Variants in PLAT observed in about 807,000 individuals in gnomAD.
PLAT encodes plasminogen activator, tissue type.
In PLAT, 48 loss-of-function variants were observed where a neutral mutation model predicts 74.9. The ratio of observed to expected loss-of-function variants is 0.64; its 90% CI spans 0.51 to 0.82. The LOEUF (loss-of-function observed/expected upper bound fraction) is 0.82, where lower values mean the gene tolerates loss of function less well. Ranked by LOEUF, PLAT falls within the 40% of genes least tolerant of loss-of-function variation. The pLI, the probability that PLAT is intolerant of heterozygous loss-of-function variation, is 0.00. For synonymous variants in PLAT, 307 were observed against 294.4 expected (o/e 1.04, Z -0.44); for missense variants, 673 against 736.2 (o/e 0.91, Z 0.99).
chr8:42,196,844 A>G (rs1805929196), intron 1 of PLAT, among the ~76,000 whole-genome samples: 1 of 152,080 alleles, frequency 6.6e-6, no homozygotes. Context: ...TGAAAAAAAA[A>G]AAGGCAAATG....
chr8:42,180,102 G>T, intron 11 of PLAT, 36 bp from the exon 12 acceptor site: 1 of 1,593,374 alleles, frequency 6.3e-7, no homozygotes, highest in Non-Finnish European at 8.6e-7. Flanking sequence ...CTGGCGTGAG[G>T]GCCGCGTCCC....
intron 1 of PLAT, among the ~76,000 whole-genome samples, chr8:42,196,395 G>T (rs1805906484): frequency 6.6e-6 from 1 of 152,208 alleles, no homozygotes; most frequent in African/African-American, 2.4e-5. Flanking sequence ...CAGGGCGATA[G>T]CTCTGTCCGC....
At chr8:42,203,408 C>T (rs2129826000) in intron 1 of PLAT, among the ~76,000 whole-genome samples, 1 of 152,288 alleles carries the variant, frequency 6.6e-6, no homozygotes, top group Admixed American at 6.5e-5. Context: ...TGCAGACACC[C>T]AGTCATATAC....
rs2000991 is a variant in PLAT, at chr8:42,179,910, A to G, written c.1363+16T>C. 1 of 1,565,758 alleles carries G rather than the reference A, an allele frequency of 6.4e-7. No homozygotes were observed. Among genetic ancestry groups the G allele is most frequent in the African/African-American group, 1.4e-5 (1 of 74,050 alleles). On this transcript the variant is annotated intron_variant, in intron 12 of 13. Coordinates refer to ENST00000220809, the MANE Select transcript of PLAT (RefSeq NM_000930.5). ...GTCCCGCAGACAGGATGGGGCCGAG[A>G]CTTCCTTCCACTTACAGGCCTCATG...
In PLAT at chr8:42,179,974, G is replaced by A. The variant is rs756437559; in HGVS notation, c.1315C>T (p.Pro439Ser). ...GAGAGCTCACACTCCGTCCAGTCCG[G>A]CAGCTGCAGGTCCGCCGGGGGAAGG... ...VCLPPADLQL[P>S]DWTECELSGY... The change falls in exon 12 of 14, where the codon CCG becomes TCG. Residue 439 changes from proline (P) to serine (S), a missense_variant. Coordinates refer to ENST00000220809, the MANE Select transcript of PLAT (RefSeq NM_000930.5). 3 of 1,608,156 alleles carry A rather than the reference G, an allele frequency of 1.9e-6. No individual in the cohort carries two copies. The South Asian group carries it at 3.3e-5, about 18-fold the overall frequency.
rs1275742461 is a variant in PLAT at position 42,197,007 on chromosome 8, T to TCCCCAAGA, written c.-26-3804_-26-3797dup. On this transcript the variant is annotated intron_variant, in intron 1 of 13. Transcript: ENST00000220809. ...TATGAGAGGAGAGGTGGAATGCTGG[T>TCCCCAAGA]CCCCAAGACCCCAAGGCCTAGCCCT... 5.3e-5 allele frequency among the ~76,000 whole-genome samples: 8 copies of TCCCCAAGA among 152,222 alleles called. No homozygotes were observed. The East Asian group carries it at 1.5e-3, about 29-fold the overall frequency.
chr8:42,178,256 ATTTC>A (rs1489272377), intron 13 of PLAT, among the ~76,000 whole-genome samples: 7 of 135,208 alleles, frequency 5.2e-5, no homozygotes, highest in African/African-American at 1.7e-4. Context: ...AGAGGCAAAC[ATTTC>A]TTTCTTTTTT....
intron 4 of PLAT, among the ~76,000 whole-genome samples, chr8:42,188,716 C>A (rs1028476773): frequency 1.3e-5 from 2 of 152,190 alleles, no homozygotes; most frequent in Non-Finnish European, 2.9e-5. Context: ...ACTGCAGCCT[C>A]CAACTCCTGG....
At chr8:42,178,091 C>T (rs888483807) in intron 13 of PLAT, among the ~76,000 whole-genome samples, 1 of 152,204 alleles carries the variant, frequency 6.6e-6, no homozygotes, top group Admixed American at 6.5e-5. Flanking sequence ...AGGATGCCCA[C>T]ACAAAGGACC....
chr8:42,188,316 G>A (rs556037758), intron 4 of PLAT: 2 of 305,372 alleles, frequency 6.5e-6, no homozygotes, highest in African/African-American at 2.2e-5. Flanking sequence ...TGTGCCAGGC[G>A]CTGTTGTACA....
In PLAT at chr8:42,180,150, A is replaced by T; in HGVS notation, c.1223-84T>A. On this transcript the variant is annotated intron_variant, in intron 11 of 13. Transcript: ENST00000220809. ...AACACGCAGGAGGGGCAGGGGCTGG[A>T]GGAGGAGGCCCGTGTGTGTAAACAT... The T allele has an allele frequency of 4.4e-6, 7 of 1,587,198 alleles. No homozygotes were observed. In the South Asian group the frequency reaches 8.1e-5, roughly 18 times the overall value.
chr8:42,176,266 A>G (rs1221703599), intron 13 of PLAT, 115 bp from the exon 14 acceptor site: 1 of 704,948 alleles, frequency 1.4e-6, no homozygotes. Context: ...CTTCAATAAT[A>G]TTCCATTCAG....
intron 2 of PLAT, 46 bp downstream of exon 2, chr8:42,193,068 G>A (rs1805746377): frequency 1.5e-6 from 2 of 1,348,614 alleles, no homozygotes; most frequent in Non-Finnish European, 2.1e-6. Flanking sequence ...GCCTCCGGAA[G>A]CATCACAGCC....
chr8:42,193,079 T>C (rs1805746845), intron 2 of PLAT, 35 bp downstream of exon 2: 1 of 1,475,150 alleles, frequency 6.8e-7, no homozygotes, highest in East Asian at 2.3e-5. Context: ...CATCACAGCC[T>C]TGAGGGGCGG....
intron 1 of PLAT, among the ~76,000 whole-genome samples, chr8:42,202,723 G>C (rs1249306168): frequency 6.6e-6 from 1 of 152,132 alleles, no homozygotes; most frequent in Non-Finnish European, 1.5e-5. Flanking sequence ...GTACAGCAGA[G>C]CAGCGCCATA....
intron 1 of PLAT, among the ~76,000 whole-genome samples, chr8:42,197,097 A>G (rs1190101789): frequency 6.6e-6 from 1 of 152,196 alleles, no homozygotes; most frequent in Non-Finnish European, 1.5e-5. Flanking sequence ...TCTCTGTTGG[A>G]TGAAGTTCAG....
rs140007223 is a variant in PLAT, at chr8:42,197,292, G to T, written c.-26-4081C>A. ...TGCTTCCAACCTGCATGTGCATCCT[G>T]CAGAGCAGCTCTGACCTTCCTGCCT... On this transcript the variant is annotated intron_variant, in intron 1 of 13. Transcript: ENST00000220809. 2.6e-3 allele frequency among the ~76,000 whole-genome samples: 395 copies of T among 152,346 alleles called. 1 individual carries two copies. The highest frequency in any genetic ancestry group is 8.8e-3 in the African/African-American group (366 of 41,580).
At chr8:42,198,378 G>A (rs1380596840) in intron 1 of PLAT, among the ~76,000 whole-genome samples, 1 of 152,200 alleles carries the variant, frequency 6.6e-6, no homozygotes, top group East Asian at 1.9e-4. Flanking sequence ...TATAATCCCA[G>A]CTACTCAGGA....
intron 5 of PLAT, 109 bp from the exon 6 acceptor site, chr8:42,187,681 T>A: frequency 8.9e-7 from 1 of 1,121,258 alleles, no homozygotes; most frequent in Non-Finnish European, 1.3e-6. Flanking sequence ...GCAGGCTGGC[T>A]CGGAAGCCAC....
Sources: gnomAD v4.1 joint callset for allele counts (sites outside exome capture counted in the v4.1 genomes callset) on GRCh38, gnomAD v4.1.1 for gene constraint, MANE v1.5 for transcripts, NCBI Gene and HGNC (gene_info 2026-07-23, HGNC 2026-07-21) for gene names.